SPEG: variants seen among roughly 807,000 people sequenced by gnomAD.
The protein encoded by SPEG is striated muscle preferentially expressed protein kinase.
A neutral mutation model predicts 300.4 loss-of-function variants in SPEG; 114 were observed. That is an observed-to-expected ratio of 0.38 (90% confidence interval 0.33 to 0.44). The LOEUF (loss-of-function observed/expected upper bound fraction) is 0.44, where lower values mean the gene tolerates loss of function less well. SPEG is among the 20% of genes least tolerant of loss of function. The pLI is 1.00. For synonymous variants in SPEG, 1,964 were observed against 2,018.9 expected (o/e 0.97, Z 0.73); for missense variants, 4,201 against 4,586.2 (o/e 0.92, Z 2.43).
rs1689547338 is a variant in SPEG, at chr2:219,449,148, C to A, written c.1990C>A (p.Pro664Thr). The A allele has an allele frequency of 7.0e-6, 10 of 1,431,630 alleles. No homozygotes were observed. Among genetic ancestry groups the A allele is most frequent in the Non-Finnish European group, 9.2e-7 (1 of 1,092,684 alleles). The allele number at this position is 1,431,630 out of a possible 1,614,324, so 88.7% of individuals were successfully genotyped here. Residue 664 changes from proline to threonine, a missense_variant, in exon 4 of 41, where the codon CCT becomes ACT. By Grantham distance (38) the Pro-to-Thr change is conservative. Around this residue, in one of 4 missense-constraint regions of SPEG, gnomAD observed 1,258 missense variants for 1,293.9 expected, o/e 0.97. Coordinates refer to ENST00000312358, the MANE Select transcript of SPEG (RefSeq NM_005876.5). ...GACCTTGGAGAAGAACAGGGCGGGG[C>A]CTGAGGCAGAGAAGAGGCTTCGCAG... ...PQTLEKNRAG[P>T]EAEKRLRRGP...
At chr2:219,475,580 T>TG (rs1264672074) in intron 18 of SPEG, among the ~76,000 whole-genome samples, 1 of 152,188 alleles carries the variant, frequency 6.6e-6, no homozygotes, top group Non-Finnish European at 1.5e-5. Flanking sequence ...CCTCCTTGCC[T>TG]GCCCTGTCCC....
rs551369667 is a variant in SPEG at position 219,435,380 on chromosome 2, G to A, written c.388+15G>A. On this transcript the variant is annotated intron_variant, in intron 1 of 40. Coordinates refer to ENST00000312358, the MANE Select transcript of SPEG (RefSeq NM_005876.5). ...GGAGGTCGGAGGTAAAGGGCAGGTG[G>A]GGGCCGCGCCCGGCAGGGGCGGGGT... 1.3e-6 allele frequency: 2 copies of A among 1,527,478 alleles called. No homozygotes were observed. Among genetic ancestry groups the A allele is most frequent in the Admixed American group, 2.0e-5 (1 of 49,800 alleles). 94.6% of individuals were successfully genotyped at this position (1,527,478 alleles called of 1,614,324 possible).
rs1352007648 is a variant in SPEG, at chr2:219,472,236, C to A, written c.3845C>A (p.Pro1282Gln). The change falls in exon 15 of 41, where the codon CCA becomes CAA. Residue 1282 changes from proline to glutamine, a missense_variant. This residue lies in a region of SPEG where 1,047 missense variants were observed against 1,356.8 expected (regional missense o/e 0.77). Transcript: ENST00000312358. ...GAACTGCGGCTTTCAGATGTGGTCC[C>A]AGGCCCTCCAGATGGCGCCCCGCAG... is the stretch of plus-strand genomic sequence containing the variant. ...YAHLYVTDVV[P>Q]GPPDGAPQVV... 6.2e-7 allele frequency: 1 copy of A among 1,613,752 alleles called. No individual in the cohort carries two copies. Among genetic ancestry groups the A allele is most frequent in the Non-Finnish European group, 8.5e-7 (1 of 1,179,986 alleles).
At chr2:219,467,072 T>C in intron 9 of SPEG, 102 bp from the exon 10 acceptor site, 1 of 1,378,260 alleles carries the variant, frequency 7.3e-7, no homozygotes, top group Non-Finnish European at 9.7e-7. Flanking sequence ...AATGCATCTC[T>C]CTCTCTGTGT....
chr2:219,465,831 G>A (rs562213443), intron 9 of SPEG: 92 of 609,800 alleles, frequency 1.5e-4, no homozygotes, highest in African/African-American at 1.4e-3. Context: ...GTGCGCATGC[G>A]TGCGTGTATG....
At chr2:219,438,699 T>C (rs1242136213) in intron 1 of SPEG, among the ~76,000 whole-genome samples, 1 of 151,998 alleles carries the variant, frequency 6.6e-6, no homozygotes, top group Admixed American at 6.5e-5. Context: ...AGAGAAGAGG[T>C]GAGCTGATGA....
chr2:219,443,332 C>A lies in SPEG; in HGVS notation c.389-1321C>A. On this transcript the variant is annotated intron_variant, in intron 1 of 40. Coordinates refer to ENST00000312358, the MANE Select transcript of SPEG (RefSeq NM_005876.5). The surrounding 1 kb of genome is among the most constrained non-coding windows in gnomAD (Gnocchi z 4.6). ...CCTGTGCCCTACAGCTGAGAGAGGA[C>A]CCAGCAGAAGGGAGGGCGGCTCACT... The A allele has an allele frequency of 2.8e-6, 2 of 702,872 alleles. No homozygotes were observed. The highest frequency in any genetic ancestry group is 5.2e-6 in the Non-Finnish European group (2 of 384,758). 43.5% of individuals were successfully genotyped at this position (702,872 alleles called of 1,614,324 possible).
At chr2:219,440,554 T>C (rs1478358996) in intron 1 of SPEG, among the ~76,000 whole-genome samples, 1 of 141,526 alleles carries the variant, frequency 7.1e-6, no homozygotes, top group African/African-American at 2.6e-5. Context: ...TCCCTGTATT[T>C]ATTTTATTTT....
In SPEG at chr2:219,471,736, T is replaced by C. The variant is rs78737333; in HGVS notation, c.3716-132T>C. ...CACTTCTTGCTGCCTGCCCCATCCTTGCCCCATCCTTGCCCACTCGCCTCC... is the reference window on the plus strand; with the variant it reads ...CACTTCTTGCTGCCTGCCCCATCCTCGCCCCATCCTTGCCCACTCGCCTCC... On this transcript the variant is annotated intron_variant, in intron 13 of 40. Coordinates refer to ENST00000312358, the MANE Select transcript of SPEG (RefSeq NM_005876.5). The C allele has an allele frequency of 4.2e-3, 4,746 of 1,117,522 alleles. 132 individuals carry two copies. The African/African-American group carries it at 0.061, about 14-fold the overall frequency. 69.2% of individuals were successfully genotyped at this position (1,117,522 alleles called of 1,614,324 possible).
Position 219,448,030 on chromosome 2 carries a change from C to G in SPEG, c.872C>G (p.Ala291Gly), listed in dbSNP as rs749277942. 4.3e-6 allele frequency: 7 copies of G among 1,612,232 alleles called. No homozygotes were observed. In the Admixed American group the frequency reaches 1.2e-4, roughly 27 times the overall value. ...REEPDLQPQL[A>G]SEAPRRPAQP... ...GAGCCCGACCTTCAGCCTCAACTGG[C>G]CAGCGAAGCCCCACGCCGCCCTGCC... The change falls in exon 4 of 41, where the codon GCC becomes GGC. Residue 291 changes from alanine to glycine, a missense_variant. Around this residue, in one of 4 missense-constraint regions of SPEG, gnomAD observed 1,258 missense variants for 1,293.9 expected, o/e 0.97. Coordinates refer to ENST00000312358, the MANE Select transcript of SPEG (RefSeq NM_005876.5).
intron 37 of SPEG, 33 bp from the exon 38 acceptor site, chr2:219,490,700 C>G: frequency 6.2e-7 from 1 of 1,610,740 alleles, no homozygotes; most frequent in East Asian, 2.2e-5. Flanking sequence ...GAGGCTGGGC[C>G]GGGTATCATC....
rs781185395 is a variant in SPEG, at chr2:219,492,642, C to T, written c.9660C>T (p.Asp3220=). 15 of 1,611,270 alleles carry T rather than the reference C, an allele frequency of 9.3e-6. No individual in the cohort carries two copies. The highest frequency in any genetic ancestry group is 1.6e-4 in the Middle Eastern group (1 of 6,084). Residue 3220 remains aspartate (D), a synonymous_variant, in exon 41 of 41, where the codon GAC becomes GAT. Transcript: ENST00000312358. ...GCCTGGCCCACCCATGGTTGCAGGACGCCTACCTGATGAAGCTGCGCCGCC... is the reference window on the plus strand; with the variant it reads ...GCCTGGCCCACCCATGGTTGCAGGATGCCTACCTGATGAAGCTGCGCCGCC... ...QDCLAHPWLQ[D]AYLMKLRRQT...
At position 219,449,215 on chromosome 2, in the gene SPEG, G is replaced by T. The variant is rs1005163459; in HGVS notation, c.2057G>T (p.Arg686Leu). The T allele has an allele frequency of 2.0e-5, 28 of 1,393,546 alleles. No homozygotes were observed. Among genetic ancestry groups the T allele is most frequent in the Non-Finnish European group, 2.5e-5 (27 of 1,074,544 alleles). The allele number at this position is 1,393,546 out of a possible 1,614,324, so 86.3% of individuals were successfully genotyped here. Reference protein sequence around the residue: ...EDGPWGPWDRRGARSQGKGRR... With the variant: ...EDGPWGPWDRLGARSQGKGRR... Reference sequence around the variant, plus strand: ...GGTCCCTGGGGGCCCTGGGACCGCCGAGGGGCCCGCAGCCAGGGCAAAGGT... The same window carrying T: ...GGTCCCTGGGGGCCCTGGGACCGCCTAGGGGCCCGCAGCCAGGGCAAAGGT... The change falls in exon 4 of 41, where the codon CGA (arginine) becomes CTA (leucine). Residue 686 changes from arginine (R) to leucine (L), a missense_variant. Arg to Leu is a moderately radical substitution (Grantham distance 102). Coordinates refer to ENST00000312358, the MANE Select transcript of SPEG (RefSeq NM_005876.5).
chr2:219,465,715 G>C (rs1298148953), intron 9 of SPEG: 1 of 423,670 alleles, frequency 2.4e-6, no homozygotes, highest in Admixed American at 4.3e-5. Context: ...GCTGTCCTTG[G>C]GGGAGCCAAG....
chr2:219,482,392 A>ATGTC (rs1692932736), intron 28 of SPEG: 2 of 201,308 alleles, frequency 9.9e-6, no homozygotes, highest in African/African-American at 4.6e-5. Flanking sequence ...AAGGCTCCAG[A>ATGTC]TGTCTGGGGT....
chr2:219,484,931 C>T lies in SPEG; in HGVS notation c.7468C>T (p.Arg2490Trp). 6.5e-7 allele frequency: 1 copy of T among 1,529,004 alleles called. No individual in the cohort carries two copies. Among genetic ancestry groups the T allele is most frequent in the Non-Finnish European group, 8.7e-7 (1 of 1,144,480 alleles). The allele number at this position is 1,529,004 out of a possible 1,614,324, so 94.7% of individuals were successfully genotyped here. A position where few individuals can be genotyped will look rare whatever the true frequency, so the allele number is the denominator to read the frequency against. Residue 2490 changes from arginine to tryptophan, a missense_variant, in exon 30 of 41, where the codon CGG becomes TGG. Physicochemically the swap from Arg to Trp is moderately radical, Grantham distance 101. Around this residue, in one of 4 missense-constraint regions of SPEG, gnomAD observed 1,578 missense variants for 1,506.0 expected, o/e 1.05. Transcript: ENST00000312358. ...GGGCCGCAGCACGCCGCTGTTCGGACGGCTTCGCAGGGCCACGTCCGAGGG... is the reference window on the plus strand; with the variant it reads ...GGGCCGCAGCACGCCGCTGTTCGGATGGCTTCGCAGGGCCACGTCCGAGGG... ...ASGRSTPLFG[R>W]LRRATSEGES...
At position 219,483,161 on chromosome 2, in the gene SPEG, C is replaced by G. The variant is rs774336551; in HGVS notation, c.5698C>G (p.Pro1900Ala). The stretch of plus-strand genomic sequence containing the variant: ...CCCCATCCCCGAGCTGCTGCGGGCC[C>G]CCCCAGAGCGGGTGTGGGTGACCAT... ...LRPIPELLRA[P>A]PERVWVTMPR... is the part of the protein sequence containing the mutation. Residue 1900 changes from proline to alanine, a missense_variant, in exon 30 of 41, where the codon CCC becomes GCC. This residue lies in a region of SPEG where 1,578 missense variants were observed against 1,506.0 expected (regional missense o/e 1.05). Transcript: ENST00000312358. 2.5e-6 allele frequency: 4 copies of G among 1,609,498 alleles called. No homozygotes were observed. Among genetic ancestry groups the G allele is most frequent in the African/African-American group, 1.3e-5 (1 of 74,850 alleles).
Position 219,489,120 on chromosome 2 carries a change from C to T in SPEG, c.8216C>T (p.Pro2739Leu). The T allele has an allele frequency of 6.2e-7, 1 of 1,613,984 alleles. No individual in the cohort carries two copies. The highest frequency in any genetic ancestry group is 1.1e-5 in the South Asian group (1 of 91,086). Residue 2739 changes from proline to leucine, a missense_variant, in exon 35 of 41, where the codon CCA becomes CTA. Around this residue, in one of 4 missense-constraint regions of SPEG, gnomAD observed 1,578 missense variants for 1,506.0 expected, o/e 1.05. Transcript: ENST00000312358. ...TGTTACTACAACGTGACCCACCTGC[C>T]AGTTGGCGTGACTGTGAGGTTCCGT... The part of the protein sequence containing the change: ...PDCYYNVTHL[P>L]VGVTVRFRVA...
rs1328226753 is a variant in SPEG at position 219,461,766 on chromosome 2, C to G, written c.2441-116C>G. ...CAGGAGCCTGGGGGTGAAGTCAGGG[C>G]AGGGCCGGCCTGCGGGGAGCTGCCG... On this transcript the variant is annotated intron_variant, in intron 6 of 40. Coordinates refer to ENST00000312358, the MANE Select transcript of SPEG (RefSeq NM_005876.5). The G allele has an allele frequency of 2.6e-6, 3 of 1,140,726 alleles. No individual in the cohort carries two copies. In the African/African-American group the frequency reaches 4.7e-5, roughly 18 times the overall value. 70.7% of individuals were successfully genotyped at this position (1,140,726 alleles called of 1,614,324 possible).
Sources: gnomAD v4.1 joint callset for allele counts (sites outside exome capture counted in the v4.1 genomes callset) on GRCh38, gnomAD v4.1.1 for gene constraint, gnomAD v4.1.1 regional missense constraint, Gnocchi (gnomAD v3.1) non-coding constraint, MANE v1.5 for transcripts, NCBI Gene and HGNC (gene_info 2026-07-23, HGNC 2026-07-21) for gene names.